Variants in TRPM4 observed in about 807,000 individuals in gnomAD.
TRPM4 encodes the protein calcium-activated non-selective cation channel 1.
Under a neutral mutation model 135.6 loss-of-function variants are expected in TRPM4, and 124 were observed. That is an observed-to-expected ratio of 0.91 (90% CI 0.79 to 1.06). The LOEUF (loss-of-function observed/expected upper bound fraction) is 1.06, where lower values mean the gene tolerates loss of function less well. Among genes scored for constraint, TRPM4 ranks in the 50% least tolerant of loss-of-function variants. The probability of loss-of-function intolerance (pLI) is 0.00; values close to 1 mark genes in which losing one functional copy is unlikely to be tolerated. For synonymous variants in TRPM4, 745 were observed against 705.6 expected (o/e 1.06, Z -0.88); for missense variants, 1,658 against 1,671.4 (o/e 0.99, Z 0.14).
chr19:49,181,049 TTC>T (rs1967901435), intron 9 of TRPM4, among the ~76,000 whole-genome samples: 1 of 152,030 alleles, frequency 6.6e-6, no homozygotes, highest in African/African-American at 2.4e-5. Context: ...TGTATCTGAT[TTC>T]TCTCTCCATC....
chr19:49,196,355 C>G (rs546728646), intron 16 of TRPM4, 85 bp from the exon 17 acceptor site: 1 of 1,330,462 alleles, frequency 7.5e-7, no homozygotes, highest in South Asian at 1.5e-5. Flanking sequence ...GTGAGATGTG[C>G]CAAGCCAAAA....
At chr19:49,158,521 T>C (rs2041563250) in intron 2 of TRPM4, 1 of 530,702 alleles carries the variant, frequency 1.9e-6, no homozygotes, top group African/African-American at 1.9e-5. Context: ...ATGTCTCTTC[T>C]ATGTGCTTCT....
chr19:49,158,368 C>G (rs1161469983), intron 2 of TRPM4, 109 bp downstream of exon 2: 1 of 1,055,186 alleles, frequency 9.5e-7, no homozygotes, highest in African/African-American at 1.6e-5. Flanking sequence ...GACTCGGGGA[C>G]CTTCCCAAGG....
At chr19:49,207,585 A>G (rs1272327166) in intron 20 of TRPM4, among the ~76,000 whole-genome samples, 1 of 144,256 alleles carries the variant, frequency 6.9e-6, no homozygotes, top group Non-Finnish European at 1.5e-5. Context: ...TCAGTGAGCC[A>G]TGATTTCACC....
intron 17 of TRPM4, among the ~76,000 whole-genome samples, chr19:49,199,487 C>T (rs1418974700): frequency 2.0e-5 from 3 of 152,106 alleles, no homozygotes; most frequent in Non-Finnish European, 4.4e-5. Context: ...TCTCGATCTC[C>T]TGACCCCGTG....
chr19:49,198,297 G>C (rs1968774431), intron 17 of TRPM4, among the ~76,000 whole-genome samples: 1 of 152,176 alleles, frequency 6.6e-6, no homozygotes, highest in African/African-American at 2.4e-5. Context: ...TGATATTTTG[G>C]ACAGTTTATC....
At position 49,200,507 on chromosome 19, in the gene TRPM4, A is replaced by G. The variant is rs10403114; in HGVS notation, c.2778+75A>G. On this transcript the variant is annotated intron_variant, in intron 18 of 24. Transcript: ENST00000252826. Reference sequence around the variant, plus strand: ...GGGCCAGGGAGGGAGTGGTCCGTGGAGAAGGGGCGTGACTTTGGGGAGCAA... The same window carrying G: ...GGGCCAGGGAGGGAGTGGTCCGTGGGGAAGGGGCGTGACTTTGGGGAGCAA... 503,502 of 1,589,700 alleles carry G rather than the reference A, an allele frequency of 0.32. 81,779 individuals are homozygous for G. Among genetic ancestry groups the G allele is most frequent in the South Asian group, 0.38 (34,160 of 89,832 alleles).
chr19:49,201,051 G>A (rs1004468102), intron 19 of TRPM4, among the ~76,000 whole-genome samples: 3 of 146,770 alleles, frequency 2.0e-5, no homozygotes, highest in Non-Finnish European at 4.5e-5. Flanking sequence ...TTTATTTTGT[G>A]GTGTCGTAAA....
chr19:49,200,230 A>G, intron 17 of TRPM4, 70 bp from the exon 18 acceptor site: 1 of 1,612,282 alleles, frequency 6.2e-7, no homozygotes, highest in Non-Finnish European at 8.5e-7. Flanking sequence ...GAAGGATGGC[A>G]TTGGGAAGAC....
rs1008554061 is a variant in TRPM4 at position 49,210,291 on chromosome 19, CG to C, written c.3216del (p.Ala1074ArgfsTer49). The C allele has an allele frequency of 6.2e-7, 1 of 1,614,114 alleles. No individual in the cohort carries two copies. Among genetic ancestry groups the C allele is most frequent in the African/African-American group, 1.3e-5 (1 of 74,952 alleles). ...RYRLIREFHS[R>X]PALAPPFIVI... The stretch of plus-strand genomic sequence containing the variant: ...CCGCCTCATCCGGGAATTCCACTCT[CG>C]GCCCGCGCTGGCCCCGCCCTTTATC... On this transcript the variant is annotated frameshift_variant, in exon 21 of 25. Coordinates refer to ENST00000252826, the MANE Select transcript of TRPM4 (RefSeq NM_017636.4). LOFTEE classifies it high-confidence loss of function. This position sits in a 1 kb window ranked among gnomAD's most constrained non-coding sequence, Gnocchi z 4.1.
At chr19:49,167,491 C>CTCTCTCTGGGTCTCTGTCGCCA (rs1967256387) in intron 3 of TRPM4, among the ~76,000 whole-genome samples, 1 of 122,062 alleles carries the variant, frequency 8.2e-6, no homozygotes, top group African/African-American at 3.7e-5. Context: ...CTCTGTCCCT[C>CTCTCTCTGGGTCTCTGTCGCCA]TCTCTCTGGG....
In TRPM4 at chr19:49,198,520, C is replaced by T. The variant is rs796066363; in HGVS notation, c.2645+1646C>T. Among the ~76,000 whole-genome samples, 80 of 151,748 alleles carry T rather than the reference C, an allele frequency of 5.3e-4. 1 individual carries two copies. The highest frequency in any genetic ancestry group is 1.8e-3 in the African/African-American group (74 of 41,390). On this transcript the variant is annotated intron_variant, in intron 17 of 24. Coordinates refer to ENST00000252826, the MANE Select transcript of TRPM4 (RefSeq NM_017636.4). ...AAAATTAGCCGGGCATGGTGGCAGG[C>T]GCCTGTAATCCCAGCTACTCGGGAG...
chr19:49,196,737 C>T lies in TRPM4; in HGVS notation c.2508C>T (p.Gly836=), dbSNP rs750999263. 346 of 1,550,030 alleles carry T rather than the reference C, an allele frequency of 2.2e-4. 1 individual carries two copies. Among genetic ancestry groups the T allele is most frequent in the Non-Finnish European group, 2.9e-4 (340 of 1,154,300 alleles). The change falls in exon 17 of 25, where the codon GGC becomes GGT. Residue 836 remains glycine, a synonymous_variant. Transcript: ENST00000252826. The part of the protein sequence containing the change: ...CEELRQGLSG[G]GGSLASGGPG... ...AACTGCGCCAGGGCCTGAGCGGAGG[C>T]GGGGGCAGCCTCGCCAGCGGGGGCC...
At chr19:49,208,438 GATGCTGGCGT>G (rs1969230662) in intron 20 of TRPM4, among the ~76,000 whole-genome samples, 4 of 152,232 alleles carry the variant, frequency 2.6e-5, no homozygotes, top group African/African-American at 9.6e-5. Context: ...AATCTTCCCA[GATGCTGGCGT>G]TACCGCTAGA....
intron 17 of TRPM4, among the ~76,000 whole-genome samples, chr19:49,197,968 T>C (rs1212197222): frequency 1.3e-5 from 2 of 151,944 alleles, no homozygotes; most frequent in Admixed American, 1.3e-4. Flanking sequence ...AGATTACAGA[T>C]GTGGGTCACC....
In TRPM4 at chr19:49,188,673, C is replaced by T. The variant is rs748762187; in HGVS notation, c.1776C>T (p.Ala592=). 2 of 1,614,194 alleles carry T rather than the reference C, an allele frequency of 1.2e-6. No individual in the cohort carries two copies. The highest frequency in any genetic ancestry group is 1.7e-6 in the Non-Finnish European group (2 of 1,180,036). Residue 592 remains alanine, a synonymous_variant, in exon 13 of 25, where the codon GCC becomes GCT. Coordinates refer to ENST00000252826, the MANE Select transcript of TRPM4 (RefSeq NM_017636.4). ...GSNAVSSALG[A]CLLLRVMARL... ...ATGCAGTTTCCTCAGCTCTTGGGGC[C>T]TGTTTGCTGCTCCGGGTGATGGCAC...
intron 20 of TRPM4, among the ~76,000 whole-genome samples, chr19:49,204,140 G>A (rs1051642695): frequency 1.3e-5 from 2 of 152,088 alleles, no homozygotes; most frequent in East Asian, 1.9e-4. Context: ...GACCACATTT[G>A]ATTTACCCGC....
chr19:49,163,653 G>A (rs1409936191), intron 2 of TRPM4, among the ~76,000 whole-genome samples: 2 of 151,932 alleles, frequency 1.3e-5, no homozygotes, highest in African/African-American at 4.8e-5. Flanking sequence ...CACCACACCT[G>A]GCTAATTAAA....
At chr19:49,182,954 C>A (rs373483763) in intron 11 of TRPM4, 32 bp downstream of exon 11, 24 of 1,581,720 alleles carry the variant, frequency 1.5e-5, no homozygotes, top group Non-Finnish European at 2.1e-5. Flanking sequence ...GGGGCCCCCC[C>A]GCGCGGGAAG....
Sources: allele counts gnomAD v4.1 joint callset (sites outside exome capture counted in the v4.1 genomes callset), GRCh38; gene constraint gnomAD v4.1.1; non-coding constraint Gnocchi (gnomAD v3.1); transcripts MANE v1.5; gene names NCBI Gene and HGNC (gene_info 2026-07-23, HGNC 2026-07-21).